The following MDGA2 variants were observed in gnomAD, a reference collection of about 807,000 sequenced individuals.
MDGA2 encodes MAM domain-containing glycosylphosphatidylinositol anchor protein 2.
In MDGA2, 40 loss-of-function variants were observed where a neutral mutation model predicts 117.8. The observed-to-expected ratio is 0.34, with a 90% confidence interval of 0.26 to 0.44. MDGA2 has a LOEUF of 0.44. Ranked by LOEUF, MDGA2 falls within the 20% of genes least tolerant of loss-of-function variation. The probability of loss-of-function intolerance (pLI) is 1.00; values close to 1 mark genes in which losing one functional copy is unlikely to be tolerated. For synonymous variants in MDGA2, 452 were observed against 439.0 expected (o/e 1.03, Z -0.37); for missense variants, 1,123 against 1,250.6 (o/e 0.90, Z 1.54).
At chr14:47,253,955 G>A (rs1171926998) in intron 2 of MDGA2, among the ~76,000 whole-genome samples, 1 of 152,248 alleles carries the variant, frequency 6.6e-6, no homozygotes, top group Non-Finnish European at 1.5e-5. Flanking sequence ...AAGCTGCCAA[G>A]GCTTGGGGCT....
intron 5 of MDGA2, among the ~76,000 whole-genome samples, chr14:47,102,957 G>A (rs767433061): frequency 6.6e-6 from 1 of 152,130 alleles, no homozygotes; most frequent in Non-Finnish European, 1.5e-5. Context: ...ATCAACGAGT[G>A]GCTACATGGA....
At chr14:47,150,025 C>G (rs953175354) in intron 3 of MDGA2, among the ~76,000 whole-genome samples, 2 of 152,120 alleles carry the variant, frequency 1.3e-5, no homozygotes, top group Admixed American at 1.3e-4. Flanking sequence ...CTATATGGAT[C>G]TGGTGGCCAG....
chr14:47,467,646 C>A (rs965503407), intron 1 of MDGA2, among the ~76,000 whole-genome samples: 3 of 152,100 alleles, frequency 2.0e-5, no homozygotes, highest in Non-Finnish European at 4.4e-5. Flanking sequence ...CTTCTACCTA[C>A]CAGCTCTTTG....
chr14:47,021,117 G>T (rs1888270740), intron 8 of MDGA2, among the ~76,000 whole-genome samples: 1 of 152,052 alleles, frequency 6.6e-6, no homozygotes, highest in South Asian at 2.1e-4. Flanking sequence ...AATTTATCAA[G>T]CATTGTGATT....
Position 46,884,419 on chromosome 14 carries a change from C to G in MDGA2, c.2239-2198G>C, listed in dbSNP as rs1395009723. Among the ~76,000 whole-genome samples, 1 of 152,102 alleles carries G rather than the reference C, an allele frequency of 6.6e-6. No individual in the cohort carries two copies. The highest frequency in any genetic ancestry group is 2.4e-5 in the African/African-American group (1 of 41,426). ...CATGTACACATTATATGCACAGGTA[C>G]ACACACATACACATATCACATAATA... On this transcript the variant is annotated intron_variant, in intron 10 of 16. Transcript: ENST00000399232. This position sits in a 1 kb window ranked among gnomAD's most constrained non-coding sequence, Gnocchi z 4.1.
At chr14:47,268,989 C>T (rs776443470) in intron 2 of MDGA2, among the ~76,000 whole-genome samples, 12 of 152,108 alleles carry the variant, frequency 7.9e-5, no homozygotes, top group Admixed American at 2.6e-4. Context: ...TGAAGTAAGG[C>T]TCACTGTGAG....
intron 1 of MDGA2, among the ~76,000 whole-genome samples, chr14:47,661,327 G>A (rs1252422702): frequency 2.0e-5 from 3 of 152,096 alleles, no homozygotes; most frequent in Admixed American, 6.6e-5. Context: ...ATTAGTGCAT[G>A]GTACAATGTG....
intron 3 of MDGA2, among the ~76,000 whole-genome samples, chr14:47,185,155 T>G (rs1301519649): frequency 1.3e-5 from 2 of 150,822 alleles, no homozygotes; most frequent in Non-Finnish European, 3.0e-5. Flanking sequence ...ATTAAAAAGA[T>G]GAATAGAATT....
chr14:47,180,063 A>T (rs542150266), intron 3 of MDGA2, among the ~76,000 whole-genome samples: 6 of 152,114 alleles, frequency 3.9e-5, no homozygotes, highest in African/African-American at 1.4e-4. Flanking sequence ...AGGAGTAAAG[A>T]TGCAGGTTTG....
chr14:47,139,830 AC>A (rs1882634894), intron 4 of MDGA2, among the ~76,000 whole-genome samples: 1 of 141,708 alleles, frequency 7.1e-6, no homozygotes. Flanking sequence ...ATATATATAC[AC>A]ATATATATAT....
intron 1 of MDGA2, among the ~76,000 whole-genome samples, chr14:47,391,131 C>G (rs1307780514): frequency 6.6e-6 from 1 of 152,152 alleles, no homozygotes; most frequent in East Asian, 1.9e-4. Flanking sequence ...AATAACCCTC[C>G]TCCGGTATGA....
chr14:47,045,489 T>G (rs371545595), intron 7 of MDGA2, among the ~76,000 whole-genome samples: 61 of 152,138 alleles, frequency 4.0e-4, no homozygotes, highest in African/African-American at 1.2e-3. Context: ...AAACACTAAT[T>G]AAGTATATAA....
In MDGA2 at chr14:46,843,050, T is replaced by C. The variant is rs200337523; in HGVS notation, c.2990-1031A>G. On this transcript the variant is annotated intron_variant, in intron 16 of 16. Transcript: ENST00000399232. ...TTAAGATTATTTATTTCCCCTAATT[T>C]ATAGAGTTTAAATATAAATACACCC... Among the ~76,000 whole-genome samples, 10 of 152,124 alleles carry C rather than the reference T, an allele frequency of 6.6e-5. No homozygotes were observed. The East Asian group carries it at 1.7e-3, about 26-fold the overall frequency.
intron 1 of MDGA2, among the ~76,000 whole-genome samples, chr14:47,461,556 C>T (rs1309221210): frequency 6.6e-6 from 1 of 152,110 alleles, no homozygotes; most frequent in Non-Finnish European, 1.5e-5. Flanking sequence ...TGGTTTCCCA[C>T]TGTGAGCATC....
intron 1 of MDGA2, among the ~76,000 whole-genome samples, chr14:47,564,466 G>C (rs1373644603): frequency 6.6e-6 from 1 of 152,146 alleles, no homozygotes; most frequent in Admixed American, 6.5e-5. Flanking sequence ...GGCAAAGAGA[G>C]CCAAGCAAAA....
chr14:47,401,282 G>T (rs1892142777), intron 1 of MDGA2, among the ~76,000 whole-genome samples: 1 of 152,066 alleles, frequency 6.6e-6, no homozygotes, highest in African/African-American at 2.4e-5. Flanking sequence ...TTCCAGCCTT[G>T]AAAACAGTAA....
At chr14:47,456,122 A>G (rs1361929701) in intron 1 of MDGA2, among the ~76,000 whole-genome samples, 1 of 152,180 alleles carries the variant, frequency 6.6e-6, no homozygotes, top group Non-Finnish European at 1.5e-5. Flanking sequence ...AAGCATTGTA[A>G]GTGAAAGAAG....
At chr14:46,921,998 C>T (rs1884150536) in intron 9 of MDGA2, among the ~76,000 whole-genome samples, 1 of 151,890 alleles carries the variant, frequency 6.6e-6, no homozygotes, top group African/African-American at 2.4e-5. Flanking sequence ...GTGATTGATT[C>T]AGTTCTAAGT....
At chr14:47,143,145 A>G (rs1255496862) in intron 4 of MDGA2, among the ~76,000 whole-genome samples, 2 of 152,074 alleles carry the variant, frequency 1.3e-5, no homozygotes, top group Non-Finnish European at 2.9e-5. Flanking sequence ...CACCATGCCC[A>G]GCTAATTTCT....
Sources: allele counts gnomAD v4.1 joint callset (sites outside exome capture counted in the v4.1 genomes callset), GRCh38; gene constraint gnomAD v4.1.1; non-coding constraint Gnocchi (gnomAD v3.1); transcripts MANE v1.5; gene names NCBI Gene and HGNC (gene_info 2026-07-23, HGNC 2026-07-21).